Variants in SPIDR observed in about 807,000 individuals in gnomAD.
SPIDR encodes the protein scaffold protein involved in DNA repair.
Under a neutral mutation model 104.6 loss-of-function variants are expected in SPIDR, and 93 were observed. The observed-to-expected ratio is 0.89, with a 90% CI of 0.75 to 1.06. SPIDR has a LOEUF of 1.06. Among genes scored for constraint, SPIDR ranks in the 50% least tolerant of loss-of-function variants. SPIDR has a pLI of 0.00. For synonymous variants in SPIDR, 431 were observed against 416.9 expected, an observed-to-expected ratio of 1.03 and a Z score of -0.41; for missense variants, 1,154 against 1,111.2, an observed-to-expected ratio of 1.04 and a Z score of -0.55.
chr8:47,603,391 A>G (rs892856586), intron 10 of SPIDR, among the ~76,000 whole-genome samples: 2 of 151,704 alleles, frequency 1.3e-5, no homozygotes, highest in Non-Finnish European at 2.9e-5. Context: ...GGGACCAGTA[A>G]TTTATTTTTT....
intron 11 of SPIDR, among the ~76,000 whole-genome samples, chr8:47,688,044 T>TGTGTGTGC (rs1356080261): frequency 1.1e-4 from 17 of 151,078 alleles, no homozygotes; most frequent in Admixed American, 8.5e-4. Flanking sequence ...TGTGTGTGTG[T>TGTGTGTGC]GCATGCGTAT....
intron 8 of SPIDR, among the ~76,000 whole-genome samples, chr8:47,565,992 A>ATATATATATATATATATATATATTTAT (rs1554802202): frequency 6.7e-5 from 1 of 14,952 alleles, no homozygotes; most frequent in Non-Finnish European, 1.5e-4. Context: ...ATATATATAT[A>ATATATATATATATATATATATATTTAT]TTTTTTTTTT....
At chr8:47,710,550 C>T (rs548944697) in intron 14 of SPIDR, among the ~76,000 whole-genome samples, 4 of 151,880 alleles carry the variant, frequency 2.6e-5, no homozygotes, top group African/African-American at 9.7e-5. Context: ...CTCACCGCAA[C>T]CTCTGCCTCC....
intron 10 of SPIDR, among the ~76,000 whole-genome samples, chr8:47,661,374 G>A (rs1010808985): frequency 5.9e-5 from 9 of 152,374 alleles, no homozygotes; most frequent in Admixed American, 1.3e-4. Context: ...GCATAGGGCA[G>A]AGAAGTCGCC....
intron 7 of SPIDR, among the ~76,000 whole-genome samples, chr8:47,435,999 T>C (rs1242056942): frequency 1.3e-5 from 2 of 152,230 alleles, no homozygotes; most frequent in Non-Finnish European, 1.5e-5. Flanking sequence ...CAAAGGGAGA[T>C]TAATATGTTC....
intron 4 of SPIDR, among the ~76,000 whole-genome samples, chr8:47,293,068 G>A (rs1362855604): frequency 1.3e-5 from 2 of 151,928 alleles, no homozygotes; most frequent in African/African-American, 2.4e-5. Flanking sequence ...GTGGGAAGCC[G>A]TTGCCATTAT....
At chr8:47,335,796 T>G (rs2049596932) in intron 5 of SPIDR, among the ~76,000 whole-genome samples, 1 of 152,218 alleles carries the variant, frequency 6.6e-6, no homozygotes. Flanking sequence ...TTGCACTGTT[T>G]CTGAGAAGAA....
At chr8:47,402,321 A>G (rs1158136560) in intron 6 of SPIDR, among the ~76,000 whole-genome samples, 5 of 152,238 alleles carry the variant, frequency 3.3e-5, no homozygotes, top group Non-Finnish European at 7.3e-5. Context: ...CAACACATTC[A>G]AAAGCTAGCA....
chr8:47,498,149 A>G (rs1017066643), intron 8 of SPIDR, among the ~76,000 whole-genome samples: 3 of 152,204 alleles, frequency 2.0e-5, no homozygotes, highest in African/African-American at 4.8e-5. Flanking sequence ...GTGTTTTCTT[A>G]TAAGACTGGA....
intron 5 of SPIDR, among the ~76,000 whole-genome samples, chr8:47,323,794 A>T (rs976241109): frequency 6.6e-6 from 1 of 152,146 alleles, no homozygotes; most frequent in African/African-American, 2.4e-5. Context: ...TTAGTCTTCT[A>T]CTTCTTCAGA....
chr8:47,305,034 G>T (rs2042886705), intron 5 of SPIDR, among the ~76,000 whole-genome samples: 1 of 152,150 alleles, frequency 6.6e-6, no homozygotes, highest in Non-Finnish European at 1.5e-5. Context: ...CCTTGATATT[G>T]GAATTTTCAG....
intron 6 of SPIDR, among the ~76,000 whole-genome samples, chr8:47,403,311 C>T (rs1309307287): frequency 1.3e-5 from 2 of 152,228 alleles, no homozygotes; most frequent in African/African-American, 4.8e-5. Flanking sequence ...GGGATGCCCT[C>T]TCTCACCACT....
rs2062132473 is a variant in SPIDR at position 47,403,036 on chromosome 8, A to G, written c.777-4825A>G. Among the ~76,000 whole-genome samples the G allele has an allele frequency of 2.0e-5, 3 of 152,144 alleles. No homozygotes were observed. The South Asian group carries it at 6.2e-4, about 32-fold the overall frequency. On this transcript the variant is annotated intron_variant, in intron 6 of 19. Coordinates refer to ENST00000297423, the MANE Select transcript of SPIDR (RefSeq NM_001080394.4). ...AAGTTGGCTTCATCCCTGGGATGCA[A>G]GGGTGGTTCAGCATACGCAAATCAG...
chr8:47,278,818 C>T (rs953286359), intron 1 of SPIDR, among the ~76,000 whole-genome samples: 45 of 152,092 alleles, frequency 3.0e-4, no homozygotes, highest in African/African-American at 9.4e-4. Flanking sequence ...AGCTTTTATA[C>T]CTTCCTGTTG....
At chr8:47,397,120 C>G (rs1348587485) in intron 6 of SPIDR, among the ~76,000 whole-genome samples, 2 of 152,056 alleles carry the variant, frequency 1.3e-5, no homozygotes, top group African/African-American at 2.4e-5. Flanking sequence ...GTGAAGGAGC[C>G]TGTAGGGACC....
At chr8:47,508,066 G>A (rs1208523169) in intron 8 of SPIDR, among the ~76,000 whole-genome samples, 3 of 152,184 alleles carry the variant, frequency 2.0e-5, no homozygotes, top group Non-Finnish European at 4.4e-5. Flanking sequence ...GAGCAGACTG[G>A]AGGAATGTGT....
chr8:47,563,582 C>T (rs150944327), intron 8 of SPIDR, among the ~76,000 whole-genome samples: 4 of 152,244 alleles, frequency 2.6e-5, no homozygotes, highest in African/African-American at 9.6e-5. Context: ...CCATTGTGCC[C>T]CTATCGACTG....
chr8:47,261,895 G>GA (rs942765141), intron 1 of SPIDR, among the ~76,000 whole-genome samples: 1 of 152,062 alleles, frequency 6.6e-6, no homozygotes, highest in Non-Finnish European at 1.5e-5. Context: ...ATTAATGTGT[G>GA]AAAAAAATCA....
At chr8:47,432,103 G>A (rs1409599975) in intron 7 of SPIDR, among the ~76,000 whole-genome samples, 1 of 152,056 alleles carries the variant, frequency 6.6e-6, no homozygotes, top group Admixed American at 6.6e-5. Context: ...TACTTTAACA[G>A]GTATTTACTT....
Sources: allele counts gnomAD v4.1 joint callset (sites outside exome capture counted in the v4.1 genomes callset), GRCh38; gene constraint gnomAD v4.1.1; transcripts MANE v1.5; gene names NCBI Gene and HGNC (gene_info 2026-07-23, HGNC 2026-07-21).